Variants in PTGFRN observed in about 807,000 individuals in gnomAD.
PTGFRN encodes the protein prostaglandin F2 receptor inhibitor.
In PTGFRN, 35 loss-of-function variants were observed where a neutral mutation model predicts 83.2. That is an observed-to-expected ratio of 0.42 (90% CI 0.32 to 0.56). PTGFRN has a LOEUF of 0.56. Among genes scored for constraint, PTGFRN ranks in the 20% least tolerant of loss-of-function variants. The pLI is 0.11. For synonymous variants in PTGFRN, 519 were observed against 498.6 expected (o/e 1.04, Z -0.55); for missense variants, 1,051 against 1,179.5 (o/e 0.89, Z 1.60).
rs1651651103 is a variant in PTGFRN at position 116,989,664 on chromosome 1, C to T, written c.*2697C>T. On this transcript the variant is annotated 3_prime_UTR_variant, in exon 9 of 9. Coordinates refer to ENST00000393203, the MANE Select transcript of PTGFRN (RefSeq NM_020440.4). ...ATGTTCAGATAGAAGCCTCGAAATTCCTGTAAATTGTTTACTTTATGATGT... is the reference window on the plus strand; with the variant it reads ...ATGTTCAGATAGAAGCCTCGAAATTTCTGTAAATTGTTTACTTTATGATGT... 1.3e-5 allele frequency: 2 copies of T among 152,694 alleles called. No homozygotes were observed. The highest frequency in any genetic ancestry group is 4.1e-4 in the South Asian group (2 of 4,820). 9.5% of individuals were successfully genotyped at this position (152,694 alleles called of 1,614,324 possible). A position where few individuals can be genotyped will look rare whatever the true frequency, so the allele number is the denominator to read the frequency against.
At chr1:116,951,743 CAGG>C (rs1232203605) in intron 4 of PTGFRN, among the ~76,000 whole-genome samples, 2 of 152,018 alleles carry the variant, frequency 1.3e-5, no homozygotes, top group African/African-American at 4.8e-5. Context: ...GGACACTTGT[CAGG>C]AGCGGGTAGG....
intron 1 of PTGFRN, among the ~76,000 whole-genome samples, chr1:116,920,131 G>A (rs1649503094): frequency 6.6e-6 from 1 of 152,220 alleles, no homozygotes; most frequent in African/African-American, 2.4e-5. Flanking sequence ...CACAACAGTG[G>A]GTTGGTGCCT....
chr1:116,976,058 G>A (rs1374656378), intron 7 of PTGFRN, among the ~76,000 whole-genome samples: 1 of 152,224 alleles, frequency 6.6e-6, no homozygotes, highest in Non-Finnish European at 1.5e-5. Context: ...ACCATGGCAT[G>A]AGAACTACGT....
chr1:116,968,633 A>C (rs761964802), intron 6 of PTGFRN, among the ~76,000 whole-genome samples: 1 of 152,150 alleles, frequency 6.6e-6, no homozygotes, highest in Non-Finnish European at 1.5e-5. Context: ...TTGTGCAACT[A>C]TCACTACTAT....
chr1:116,943,867 T>G (rs948972459), intron 2 of PTGFRN, among the ~76,000 whole-genome samples: 4 of 152,182 alleles, frequency 2.6e-5, no homozygotes, highest in Admixed American at 2.6e-4. Context: ...AATAGTGGTG[T>G]TGGAGGGTCC....
chr1:116,985,819 A>G (rs947727745), intron 8 of PTGFRN, among the ~76,000 whole-genome samples: 1 of 152,144 alleles, frequency 6.6e-6, no homozygotes, highest in African/African-American at 2.4e-5. Context: ...GATGAACACC[A>G]GGGTCAACCT....
intron 1 of PTGFRN, among the ~76,000 whole-genome samples, chr1:116,937,026 A>G (rs934622142): frequency 8.5e-5 from 13 of 152,238 alleles, no homozygotes; most frequent in African/African-American, 2.7e-4. Flanking sequence ...GGGATGTGCC[A>G]CTTTAGGGTG....
intron 2 of PTGFRN, 119 bp downstream of exon 2, chr1:116,942,202 G>C: frequency 7.6e-7 from 1 of 1,311,746 alleles, no homozygotes. Context: ...CTCTGTCCAG[G>C]GGAATAATCA....
intron 4 of PTGFRN, among the ~76,000 whole-genome samples, chr1:116,954,460 C>G (rs896938893): frequency 6.6e-6 from 1 of 152,208 alleles, no homozygotes; most frequent in Non-Finnish European, 1.5e-5. Context: ...AAAACCCTGT[C>G]ATCAGCACAG....
At chr1:116,915,200 G>A (rs891661089) in intron 1 of PTGFRN, among the ~76,000 whole-genome samples, 3 of 152,200 alleles carry the variant, frequency 2.0e-5, no homozygotes, top group African/African-American at 4.8e-5. Context: ...AGATGATAGT[G>A]GTTTGAAAGT....
At chr1:116,981,852 T>A (rs980455199) in intron 7 of PTGFRN, among the ~76,000 whole-genome samples, 2 of 152,208 alleles carry the variant, frequency 1.3e-5, no homozygotes, top group Non-Finnish European at 2.9e-5. Context: ...TACTGACCCC[T>A]GGACTAGTTG....
Position 116,941,963 on chromosome 1 carries a change from G to A in PTGFRN, c.298G>A (p.Asp100Asn), listed in dbSNP as rs767176376. 1.9e-6 allele frequency: 3 copies of A among 1,614,192 alleles called. No individual in the cohort carries two copies. The highest frequency in any genetic ancestry group is 2.5e-6 in the Non-Finnish European group (3 of 1,180,036). The part of the protein sequence containing the change: ...GEILLRRTAN[D>N]AVELHIKNVQ... Reference sequence around the variant, plus strand: ...GATCCTGTTAAGGCGGACTGCCAACGACGCCGTGGAGCTCCACATAAAGAA... The same window carrying A: ...GATCCTGTTAAGGCGGACTGCCAACAACGCCGTGGAGCTCCACATAAAGAA... Residue 100 changes from aspartate (D) to asparagine (N), a missense_variant, in exon 2 of 9, where the codon GAC becomes AAC. Asp to Asn is a conservative substitution (Grantham distance 23). Transcript: ENST00000393203. The surrounding 1 kb of genome is among the most constrained non-coding windows in gnomAD (Gnocchi z 5.0).
chr1:116,950,875 C>T (rs1650327489), intron 4 of PTGFRN, among the ~76,000 whole-genome samples: 1 of 152,156 alleles, frequency 6.6e-6, no homozygotes, highest in African/African-American at 2.4e-5. Flanking sequence ...GCCGTCTGAA[C>T]CCCATGCAAG....
rs149616168 is a variant in PTGFRN, at chr1:116,916,766, G to T, written c.49+6514G>T. On this transcript the variant is annotated intron_variant, in intron 1 of 8. Transcript: ENST00000393203. ...GCAAGGTGAGAAGCTCAGTAACACG[G>T]CTAGCAGCTCATTTATTCAGCAAAT... is the stretch of plus-strand genomic sequence containing the variant. Among the ~76,000 whole-genome samples the T allele has an allele frequency of 3.7e-3, 569 of 152,286 alleles. 3 individuals are homozygous for T. The highest frequency in any genetic ancestry group is 0.013 in the African/African-American group (541 of 41,546).
In PTGFRN at chr1:116,989,894, G is replaced by C. The variant is rs565813697; in HGVS notation, c.*2927G>C. 3.9e-5 allele frequency: 6 copies of C among 152,692 alleles called. No homozygotes were observed. In the East Asian group the frequency reaches 9.7e-4, roughly 25 times the overall value. 9.5% of individuals were successfully genotyped at this position (152,692 alleles called of 1,614,324 possible). A position where few individuals can be genotyped will look rare whatever the true frequency, so the allele number is the denominator to read the frequency against. ...TGGTAGAGGAGGCCCCTCCTGCCCA[G>C]ACCTTCGTTTGTTTCCCCGGTGGCC... is the stretch of plus-strand genomic sequence containing the variant. On this transcript the variant is annotated 3_prime_UTR_variant, in exon 9 of 9. Coordinates refer to ENST00000393203, the MANE Select transcript of PTGFRN (RefSeq NM_020440.4).
At chr1:116,919,758 T>C (rs939407464) in intron 1 of PTGFRN, among the ~76,000 whole-genome samples, 2 of 152,250 alleles carry the variant, frequency 1.3e-5, no homozygotes, top group Admixed American at 1.3e-4. Flanking sequence ...TGTCTTTCCA[T>C]GTTAGTCAAA....
Position 116,984,864 on chromosome 1 carries a change from G to A in PTGFRN, c.2352G>A (p.Glu784=). ...LEFLLQVHGS[E]DQDFGNYYCS... ...TCTTGCTGCAAGTGCATGGCTCCGAGGACCAGGACTTTGGCAACTACTACT... is the reference window on the plus strand; with the variant it reads ...TCTTGCTGCAAGTGCATGGCTCCGAAGACCAGGACTTTGGCAACTACTACT... Residue 784 remains glutamate, a synonymous_variant, in exon 8 of 9, where the codon GAG becomes GAA. Transcript: ENST00000393203. 1 of 1,614,174 alleles carries A rather than the reference G, an allele frequency of 6.2e-7. No individual in the cohort carries two copies. Among genetic ancestry groups the A allele is most frequent in the South Asian group, 1.1e-5 (1 of 91,076 alleles).
intron 7 of PTGFRN, among the ~76,000 whole-genome samples, chr1:116,977,453 A>G (rs1651189220): frequency 6.6e-6 from 1 of 152,180 alleles, no homozygotes; most frequent in Non-Finnish European, 1.5e-5. Flanking sequence ...TTATTCCAAA[A>G]TTTACTTCCA....
At chr1:116,921,555 T>C (rs1156547979) in intron 1 of PTGFRN, among the ~76,000 whole-genome samples, 1 of 152,040 alleles carries the variant, frequency 6.6e-6, no homozygotes, top group Non-Finnish European at 1.5e-5. Flanking sequence ...AAAACAGTTA[T>C]GACCCTTGAA....
Sources: gnomAD v4.1 joint callset for allele counts (sites outside exome capture counted in the v4.1 genomes callset) on GRCh38, gnomAD v4.1.1 for gene constraint, Gnocchi (gnomAD v3.1) non-coding constraint, MANE v1.5 for transcripts, NCBI Gene and HGNC (gene_info 2026-07-23, HGNC 2026-07-21) for gene names.